CLEC16A: variants seen among roughly 807,000 people sequenced by gnomAD.
The protein encoded by CLEC16A is C-type lectin domain containing 16A, also known as protein CLEC16A.
Under a neutral mutation model 109.5 loss-of-function variants are expected in CLEC16A, and 51 were observed. The ratio of observed to expected loss-of-function variants is 0.47; its 90% CI spans 0.37 to 0.59. The LOEUF (loss-of-function observed/expected upper bound fraction) is 0.59, where lower values mean the gene tolerates loss of function less well. Among genes scored for constraint, CLEC16A ranks in the 20% least tolerant of loss-of-function variants. The pLI, the probability that CLEC16A is intolerant of heterozygous loss-of-function variation, is 0.00. For synonymous variants in CLEC16A, 673 were observed against 564.2 expected (o/e 1.19, Z -2.73); for missense variants, 1,339 against 1,394.0 (o/e 0.96, Z 0.63).
At position 11,020,218 on chromosome 16, in the gene CLEC16A, T is replaced by A; in HGVS notation, c.1329T>A (p.Arg443=). ...SEEIEMVIME[R]SKLSELAAST... ...AGATCGAGATGGTGATCATGGAGCG[T>A]AGCAAGCTCTCAGAGCTGGCCGCCA... Residue 443 remains arginine (R), a synonymous_variant, in exon 12 of 24, where the codon CGT becomes CGA. Coordinates refer to ENST00000409790, the MANE Select transcript of CLEC16A (RefSeq NM_015226.3). 6.2e-7 allele frequency: 1 copy of A among 1,613,336 alleles called. No homozygotes were observed.
chr16:11,124,742 A>T (rs1231423551), intron 21 of CLEC16A, among the ~76,000 whole-genome samples: 1 of 152,092 alleles, frequency 6.6e-6, no homozygotes, highest in Non-Finnish European at 1.5e-5. Context: ...TGCTGAGAGG[A>T]TTTTAAGCCT....
At chr16:11,056,214 G>A (rs61280649) in intron 18 of CLEC16A, among the ~76,000 whole-genome samples, 1 of 152,020 alleles carries the variant, frequency 6.6e-6, no homozygotes, top group Admixed American at 6.6e-5. Context: ...ACCAACCACG[G>A]GTCAAATCCC....
chr16:11,165,788 C>T (rs1348926689), intron 22 of CLEC16A, among the ~76,000 whole-genome samples: 3 of 152,136 alleles, frequency 2.0e-5, no homozygotes, highest in Non-Finnish European at 4.4e-5. Context: ...CCTCCAGGTC[C>T]CGGAGATGCT....
intron 11 of CLEC16A, among the ~76,000 whole-genome samples, chr16:11,006,732 A>G (rs903071384): frequency 6.6e-6 from 1 of 152,122 alleles, no homozygotes; most frequent in African/African-American, 2.4e-5. Flanking sequence ...GTTATTTTTT[A>G]TAAATGCAGC....
chr16:11,159,062 A>C (rs1169694196), intron 22 of CLEC16A, among the ~76,000 whole-genome samples: 8 of 152,226 alleles, frequency 5.3e-5, no homozygotes, highest in Non-Finnish European at 5.9e-5. Flanking sequence ...CAACATTTTC[A>C]AAATCAGGAG....
chr16:11,165,168 C>T (rs937258337), intron 22 of CLEC16A, among the ~76,000 whole-genome samples: 3 of 152,048 alleles, frequency 2.0e-5, no homozygotes, highest in Middle Eastern at 6.8e-3. Context: ...GCTCCTGGGC[C>T]GGATAAAAGG....
At chr16:11,003,329 C>T in intron 11 of CLEC16A, 24 bp downstream of exon 11, 1 of 1,591,614 alleles carries the variant, frequency 6.3e-7, no homozygotes. Context: ...TGAACGCCGC[C>T]CTGTGCCTGC....
intron 22 of CLEC16A, among the ~76,000 whole-genome samples, chr16:11,145,094 G>A (rs950939725): frequency 6.6e-6 from 1 of 152,172 alleles, no homozygotes; most frequent in African/African-American, 2.4e-5. Flanking sequence ...GGCAGCCTGA[G>A]GATAGGGGTC....
At chr16:11,051,429 G>GA in intron 17 of CLEC16A, 84 bp from the exon 18 acceptor site, 2 of 1,413,516 alleles carry the variant, frequency 1.4e-6, no homozygotes, top group Non-Finnish European at 2.0e-6. Flanking sequence ...GGTTGAAGGC[G>GA]AGGGGCCTGT....
At chr16:10,956,311 G>A (rs2041982926) in intron 1 of CLEC16A, among the ~76,000 whole-genome samples, 1 of 152,110 alleles carries the variant, frequency 6.6e-6, no homozygotes, top group Non-Finnish European at 1.5e-5. Flanking sequence ...CCTTTAAATA[G>A]CAGATTGTTC....
intron 9 of CLEC16A, among the ~76,000 whole-genome samples, chr16:10,979,788 C>T (rs991727151): frequency 6.6e-6 from 1 of 152,138 alleles, no homozygotes; most frequent in Non-Finnish European, 1.5e-5. Context: ...CTTGGTGTAA[C>T]AAACTTCCTG....
chr16:11,042,044 A>G (rs2047364723), intron 14 of CLEC16A: 1 of 552,108 alleles, frequency 1.8e-6, no homozygotes, highest in Non-Finnish European at 3.2e-6. Context: ...AGTATTTGGT[A>G]TAGGTAGTTT....
chr16:11,137,484 G>C (rs748152430), intron 22 of CLEC16A, among the ~76,000 whole-genome samples: 1 of 151,568 alleles, frequency 6.6e-6, no homozygotes, highest in Non-Finnish European at 1.5e-5. Context: ...AGCTGGGCGT[G>C]GTGGCTCACA....
rs1366364014 is a variant in CLEC16A at position 11,178,585 on chromosome 16, C to T, written c.3057C>T (p.Arg1019=). 6.2e-7 allele frequency: 1 copy of T among 1,610,304 alleles called. No individual in the cohort carries two copies. Among genetic ancestry groups the T allele is most frequent in the South Asian group, 1.1e-5 (1 of 90,998 alleles). ...LVPPVDPHSL[R]SLTGMPPLST... ...CCCCAGTTGACCCCCACAGCCTCCG[C>T]AGCCTCACCGGCATGCCCCCGCTGT... The change falls in exon 24 of 24, where the codon CGC becomes CGT. Residue 1019 remains arginine, a synonymous_variant. Transcript: ENST00000409790. The surrounding 1 kb of genome is among the most constrained non-coding windows in gnomAD (Gnocchi z 6.5).
At chr16:11,142,383 G>T (rs189805830) in intron 22 of CLEC16A, among the ~76,000 whole-genome samples, 2 of 152,328 alleles carry the variant, frequency 1.3e-5, no homozygotes, top group African/African-American at 4.8e-5. Context: ...CTGTCAGAGC[G>T]CTGTGATCAA....
chr16:11,075,378 C>CTGTGTGTGTGTG (rs373865850), intron 19 of CLEC16A, among the ~76,000 whole-genome samples: 7 of 134,612 alleles, frequency 5.2e-5, no homozygotes, highest in African/African-American at 1.1e-4. Flanking sequence ...TTGGATATGT[C>CTGTGTGTGTGTG]TGTGTGTGTG....
At chr16:11,075,165 CCA>C (rs1202043590) in intron 19 of CLEC16A, among the ~76,000 whole-genome samples, 1 of 152,138 alleles carries the variant, frequency 6.6e-6, no homozygotes, top group Non-Finnish European at 1.5e-5. Flanking sequence ...CCAGTCCTTC[CCA>C]CACATTTGGA....
chr16:11,100,607 C>G (rs952653249), intron 19 of CLEC16A, among the ~76,000 whole-genome samples: 1 of 152,152 alleles, frequency 6.6e-6, no homozygotes, highest in Non-Finnish European at 1.5e-5. Flanking sequence ...ATTGACCTCC[C>G]GGAAGATAAC....
intron 19 of CLEC16A, chr16:11,066,876 G>C (rs537098750): frequency 6.6e-6 from 1 of 152,176 alleles, no homozygotes; most frequent in East Asian, 1.9e-4. Flanking sequence ...CAGAACAGTA[G>C]GTCCCAGCCC....
Sources: allele counts gnomAD v4.1 joint callset (sites outside exome capture counted in the v4.1 genomes callset), GRCh38; gene constraint gnomAD v4.1.1; non-coding constraint Gnocchi (gnomAD v3.1); transcripts MANE v1.5; gene names NCBI Gene and HGNC (gene_info 2026-07-23, HGNC 2026-07-21).